NRG3: variants seen among roughly 807,000 people sequenced by gnomAD.
NRG3 encodes neuregulin 3.
Under a neutral mutation model 66.9 loss-of-function variants are expected in NRG3, and 31 were observed. The observed-to-expected ratio is 0.46, with a 90% confidence interval of 0.35 to 0.63. NRG3 has a LOEUF of 0.63. Among genes scored for constraint, NRG3 ranks in the 20% least tolerant of loss-of-function variants. The pLI, the probability that NRG3 is intolerant of heterozygous loss-of-function variation, is 0.00. For missense variants in NRG3, 910 were observed against 878.9 expected (o/e 1.04, Z -0.45); for synonymous variants, 393 against 359.4 (o/e 1.09, Z -1.06).
chr10:82,358,471 A>G (rs1027244222), intron 1 of NRG3, among the ~76,000 whole-genome samples: 4 of 152,200 alleles, frequency 2.6e-5, no homozygotes, highest in Non-Finnish European at 5.9e-5. Context: ...AGGATCATTC[A>G]GCTTTTAGTG....
At chr10:82,353,183 C>A (rs1311772389) in intron 1 of NRG3, among the ~76,000 whole-genome samples, 1 of 152,052 alleles carries the variant, frequency 6.6e-6, no homozygotes, top group Non-Finnish European at 1.5e-5. Flanking sequence ...GCAAGAATTC[C>A]ATTTTCTATA....
At chr10:82,283,244 G>A (rs2079222376) in intron 1 of NRG3, among the ~76,000 whole-genome samples, 1 of 152,120 alleles carries the variant, frequency 6.6e-6, no homozygotes, top group Admixed American at 6.5e-5. Flanking sequence ...AGTTGGTTGT[G>A]TGTTGGCCTC....
chr10:82,511,708 G>C (rs191164760), intron 2 of NRG3, among the ~76,000 whole-genome samples: 1 of 152,300 alleles, frequency 6.6e-6, no homozygotes, highest in East Asian at 1.9e-4. Flanking sequence ...CTGGAAGAAA[G>C]GACAGAACAA....
intron 1 of NRG3, among the ~76,000 whole-genome samples, chr10:82,245,682 T>G (rs573153876): frequency 6.6e-6 from 1 of 152,310 alleles, no homozygotes; most frequent in Admixed American, 6.5e-5. Flanking sequence ...CCTGACATAA[T>G]AAAAACATTC....
At chr10:82,615,803 G>A (rs1449116066) in intron 2 of NRG3, among the ~76,000 whole-genome samples, 1 of 152,074 alleles carries the variant, frequency 6.6e-6, no homozygotes, top group Non-Finnish European at 1.5e-5. Context: ...ATTTGGAGAG[G>A]GAGATGGGAA....
chr10:82,769,197 T>C (rs1024522211), intron 3 of NRG3, among the ~76,000 whole-genome samples: 1 of 152,136 alleles, frequency 6.6e-6, no homozygotes, highest in Non-Finnish European at 1.5e-5. Flanking sequence ...CATTTTAACT[T>C]TTAGTACATA....
intron 2 of NRG3, among the ~76,000 whole-genome samples, chr10:82,600,930 G>A (rs763917747): frequency 2.0e-5 from 3 of 152,102 alleles, no homozygotes; most frequent in Middle Eastern, 3.4e-3. Context: ...TTTTTCAGCC[G>A]TTACCCCACA....
At chr10:82,785,415 CT>C (rs2060314276) in intron 3 of NRG3, among the ~76,000 whole-genome samples, 2 of 151,820 alleles carry the variant, frequency 1.3e-5, no homozygotes, top group African/African-American at 4.8e-5. Context: ...AAGACAAGAA[CT>C]GTAGCGAGAG....
intron 6 of NRG3, among the ~76,000 whole-genome samples, chr10:82,965,370 C>T (rs1235853476): frequency 6.6e-6 from 1 of 152,106 alleles, no homozygotes; most frequent in African/African-American, 2.4e-5. Context: ...AAGATACAAT[C>T]TTAAGAATAA....
intron 1 of NRG3, among the ~76,000 whole-genome samples, chr10:81,975,960 C>G (rs148175019): frequency 3.1e-4 from 47 of 152,080 alleles, no homozygotes; most frequent in Non-Finnish European, 4.9e-4. Flanking sequence ...ACAGAGGAGG[C>G]CTCTAGAGCT....
chr10:82,985,729 G>A lies in NRG3; in HGVS notation c.*124G>A, dbSNP rs955307706. 5.7e-5 allele frequency: 58 copies of A among 1,017,348 alleles called. 1 individual carries two copies. The highest frequency in any genetic ancestry group is 1.4e-4 in the Admixed American group (6 of 42,506). The allele number at this position is 1,017,348 out of a possible 1,614,324, so 63.0% of individuals were successfully genotyped here. A position where few individuals can be genotyped will look rare whatever the true frequency, so the allele number is the denominator to read the frequency against. On this transcript the variant is annotated 3_prime_UTR_variant, in exon 9 of 9. Coordinates refer to ENST00000372141, the MANE Select transcript of NRG3 (RefSeq NM_001010848.4). ...CTTAGAAGAAACCAAATAGTCTATC[G>A]CCCTCATATCATAGTGTTTTTTAAC...
chr10:82,948,257 T>A (rs1185887286), intron 4 of NRG3, among the ~76,000 whole-genome samples: 1 of 152,126 alleles, frequency 6.6e-6, no homozygotes. Flanking sequence ...AGAACGCTTT[T>A]ATCTGTTGCA....
intron 2 of NRG3, among the ~76,000 whole-genome samples, chr10:82,484,563 C>T (rs1405096062): frequency 6.6e-6 from 1 of 152,230 alleles, no homozygotes; most frequent in African/African-American, 2.4e-5. Context: ...TTGTCCCTTA[C>T]ATAAGCTATC....
At chr10:82,788,635 A>G (rs2060466041) in intron 3 of NRG3, among the ~76,000 whole-genome samples, 1 of 152,128 alleles carries the variant, frequency 6.6e-6, no homozygotes, top group African/African-American at 2.4e-5. Flanking sequence ...GAGAAGACAA[A>G]GGAGAAAATA....
chr10:81,991,065 G>T (rs1291549770), intron 1 of NRG3, among the ~76,000 whole-genome samples: 1 of 152,044 alleles, frequency 6.6e-6, no homozygotes, highest in Non-Finnish European at 1.5e-5. Context: ...CAAAAGGAAG[G>T]CACATCAGGT....
intron 4 of NRG3, among the ~76,000 whole-genome samples, chr10:82,879,467 CTTTTT>C (rs201614818): frequency 2.5e-5 from 3 of 121,846 alleles, no homozygotes; most frequent in Non-Finnish European, 3.5e-5. Flanking sequence ...CTAATGAAGA[CTTTTT>C]TTTTTTTTTT....
intron 3 of NRG3, among the ~76,000 whole-genome samples, chr10:82,801,842 T>C (rs2061053863): frequency 6.6e-6 from 1 of 152,194 alleles, no homozygotes. Flanking sequence ...AAATTCAGAA[T>C]ATCTGTTCCA....
In NRG3 at chr10:82,920,791, C is replaced by T. The variant is rs1264565335; in HGVS notation, c.1055-30678C>T. ...CTGGAAGAGTTCCCAATTTTCAAAG[C>T]TGGAACAATTTGAGCAACAAAATAA... On this transcript the variant is annotated intron_variant, in intron 4 of 8. Transcript: ENST00000372141. 3.3e-5 allele frequency among the ~76,000 whole-genome samples: 5 copies of T among 152,020 alleles called. No homozygotes were observed. The East Asian group carries it at 9.6e-4, about 29-fold the overall frequency.
intron 1 of NRG3, among the ~76,000 whole-genome samples, chr10:82,141,685 C>G (rs1197334711): frequency 1.3e-5 from 2 of 152,160 alleles, no homozygotes; most frequent in African/African-American, 4.8e-5. Context: ...TTGTATTATT[C>G]TGCCAAACCA....
Sources: allele counts gnomAD v4.1 joint callset (sites outside exome capture counted in the v4.1 genomes callset), GRCh38; gene constraint gnomAD v4.1.1; transcripts MANE v1.5; gene names NCBI Gene and HGNC (gene_info 2026-07-23, HGNC 2026-07-21).